Variants in PIBF1 observed in about 807,000 individuals in gnomAD.
PIBF1 encodes the protein progesterone-induced-blocking factor 1.
Under a neutral mutation model 112.5 loss-of-function variants are expected in PIBF1, and 90 were observed. The ratio of observed to expected loss-of-function variants is 0.80; its 90% confidence interval spans 0.67 to 0.95. PIBF1 has a LOEUF of 0.95. Among genes scored for constraint, PIBF1 ranks in the 40% least tolerant of loss-of-function variants. PIBF1 has a pLI of 0.00. For missense variants in PIBF1, 915 were observed against 852.3 expected (o/e 1.07, Z -0.92); for synonymous variants, 301 against 288.6 (o/e 1.04, Z -0.44).
intron 10 of PIBF1, among the ~76,000 whole-genome samples, chr13:72,883,935 C>T (rs1317776829): frequency 2.0e-5 from 3 of 152,012 alleles, no homozygotes; most frequent in Admixed American, 6.6e-5. Flanking sequence ...CAGATATATA[C>T]GTACACACAT....
rs1555316933 is a variant in PIBF1, at chr13:72,927,994, C to CATATATATATACATATATATAT, written c.1731-3170_1731-3169insTATATATATACATATATATATA. Among the ~76,000 whole-genome samples, 22 of 79,942 alleles carry CATATATATATACATATATATAT rather than the reference C, an allele frequency of 2.8e-4. 1 individual carries two copies. The highest frequency in any genetic ancestry group is 1.3e-3 in the African/African-American group (20 of 15,848). The allele number at this position is 79,942 out of a possible 152,430, so 52.4% of individuals were successfully genotyped here. ...ATATATATACATATATATATACACA[C>CATATATATATACATATATATAT]ACATATATATACATATATATACATA... is the stretch of plus-strand genomic sequence containing the variant. On this transcript the variant is annotated intron_variant, in intron 13 of 17. Coordinates refer to ENST00000326291, the MANE Select transcript of PIBF1 (RefSeq NM_006346.4).
intron 2 of PIBF1, among the ~76,000 whole-genome samples, chr13:72,785,199 C>T (rs1055186285): frequency 5.3e-5 from 8 of 152,152 alleles, no homozygotes; most frequent in Non-Finnish European, 2.9e-5. Flanking sequence ...GCACACAAGA[C>T]GTATTAGCCG....
chr13:72,975,054 CTTT>C (rs568515289), intron 16 of PIBF1, among the ~76,000 whole-genome samples: 15 of 136,032 alleles, frequency 1.1e-4, no homozygotes, highest in Non-Finnish European at 1.6e-4. Flanking sequence ...GAAAAAGAAA[CTTT>C]TTTTTTTTTT....
intron 4 of PIBF1, among the ~76,000 whole-genome samples, chr13:72,796,308 G>T (rs936142766): frequency 4.6e-5 from 7 of 152,090 alleles, no homozygotes; most frequent in Non-Finnish European, 1.0e-4. Flanking sequence ...TCCCTGAAAG[G>T]ATCTCAGAGT....
At chr13:72,921,551 A>G (rs1012913543) in intron 13 of PIBF1, among the ~76,000 whole-genome samples, 1 of 152,198 alleles carries the variant, frequency 6.6e-6, no homozygotes, top group Non-Finnish European at 1.5e-5. Context: ...ATTTATTGTC[A>G]TAGAATTCCA....
At chr13:72,910,053 G>C (rs543582254) in intron 12 of PIBF1, among the ~76,000 whole-genome samples, 1 of 152,208 alleles carries the variant, frequency 6.6e-6, no homozygotes, top group East Asian at 1.9e-4. Flanking sequence ...AGTTGAATTT[G>C]AATCTAGGTA....
At chr13:72,944,376 G>C (rs1255079538) in intron 14 of PIBF1, among the ~76,000 whole-genome samples, 1 of 151,762 alleles carries the variant, frequency 6.6e-6, no homozygotes, top group Non-Finnish European at 1.5e-5. Context: ...GAACCCAGGA[G>C]GCAGAGGTTG....
Position 72,973,639 on chromosome 13 carries a change from G to T in PIBF1, c.2013G>T (p.Met671Ile). ...KSALLQTKNQMALDLEQLLNH... is the reference protein window; with the variant it reads ...KSALLQTKNQIALDLEQLLNH... ...CTTTACTACAGACGAAGAATCAAAT[G>T]GCATTAGATTTAGAACAACTTCTAA... The change falls in exon 16 of 18, where the codon ATG becomes ATT. Residue 671 changes from methionine to isoleucine, a missense_variant. Coordinates refer to ENST00000326291, the MANE Select transcript of PIBF1 (RefSeq NM_006346.4). The T allele has an allele frequency of 6.3e-7, 1 of 1,576,380 alleles. No individual in the cohort carries two copies. Among genetic ancestry groups the T allele is most frequent in the Non-Finnish European group, 8.6e-7 (1 of 1,160,558 alleles).
intron 16 of PIBF1, among the ~76,000 whole-genome samples, chr13:72,987,520 G>C (rs2043329003): frequency 6.6e-6 from 1 of 151,992 alleles, no homozygotes; most frequent in African/African-American, 2.4e-5. Flanking sequence ...GACATTGATG[G>C]AAGGCATCTG....
intron 10 of PIBF1, among the ~76,000 whole-genome samples, chr13:72,859,361 A>T (rs2038591034): frequency 2.6e-5 from 4 of 152,166 alleles, no homozygotes. Flanking sequence ...TGGGGAAAAT[A>T]TGGGAGCAAT....
chr13:72,856,251 GTGT>G (rs2038416341), intron 10 of PIBF1, among the ~76,000 whole-genome samples: 1 of 152,154 alleles, frequency 6.6e-6, no homozygotes, highest in Non-Finnish European at 1.5e-5. Flanking sequence ...GTCCAATTTA[GTGT>G]TGTTGTGAAA....
At position 72,967,914 on chromosome 13, in the gene PIBF1, G is replaced by A. The variant is rs2042785237; in HGVS notation, c.1964+2510G>A. On this transcript the variant is annotated intron_variant, in intron 15 of 17. Transcript: ENST00000326291. ...AAATATTCCATATCTGGCTGGGCACGGTAGCTCAAGTCTGTAATCCCAGCA... is the reference window on the plus strand; with the variant it reads ...AAATATTCCATATCTGGCTGGGCACAGTAGCTCAAGTCTGTAATCCCAGCA... Among the ~76,000 whole-genome samples the A allele has an allele frequency of 5.3e-5, 8 of 152,230 alleles. No individual in the cohort carries two copies. In the South Asian group the frequency reaches 1.5e-3, roughly 28 times the overall value.
intron 10 of PIBF1, among the ~76,000 whole-genome samples, chr13:72,878,059 C>A (rs1430235863): frequency 6.6e-6 from 1 of 151,794 alleles, no homozygotes; most frequent in African/African-American, 2.4e-5. Flanking sequence ...TTCATTTCTG[C>A]TATTAGTAAT....
chr13:72,827,878 C>CTAGA lies in PIBF1; in HGVS notation c.1062_1065dup (p.Glu356Ter), dbSNP rs2036896205. On this transcript the variant is annotated frameshift_variant, in exon 8 of 18. Transcript: ENST00000326291. LOFTEE classifies it high-confidence loss of function. The stretch of plus-strand genomic sequence containing the variant: ...GCTCAACTGGAAGAAAGCAAAAAGG[C>CTAGA]TAGAGAAGAGATGTATGAAAAATAT... The CTAGA allele has an allele frequency of 6.3e-7, 1 of 1,591,848 alleles. No individual in the cohort carries two copies. The highest frequency in any genetic ancestry group is 1.8e-5 in the Admixed American group (1 of 56,992).
At chr13:72,927,994 C>CATATATAT (rs1555316933) in intron 13 of PIBF1, among the ~76,000 whole-genome samples, 1,750 of 78,626 alleles carry the variant, frequency 0.022, 80 homozygotes, top group African/African-American at 0.11. Context: ...TATATACACA[C>CATATATAT]ACATATATAT....
chr13:72,916,414 A>ATATATTT (rs367708260), intron 12 of PIBF1, among the ~76,000 whole-genome samples: 20 of 149,034 alleles, frequency 1.3e-4, no homozygotes, highest in African/African-American at 4.7e-4. Flanking sequence ...ATATATATAT[A>ATATATTT]TTTTTTTAAT....
intron 16 of PIBF1, among the ~76,000 whole-genome samples, chr13:72,987,860 T>A (rs1361862862): frequency 1.5e-5 from 1 of 65,796 alleles, no homozygotes; most frequent in South Asian, 3.7e-4. Flanking sequence ...ATTTATTTAT[T>A]TTTTTTTTTT....
At chr13:72,804,865 A>G (rs1202004241) in intron 5 of PIBF1, among the ~76,000 whole-genome samples, 1 of 152,216 alleles carries the variant, frequency 6.6e-6, no homozygotes, top group Admixed American at 6.5e-5. Context: ...TTTGACAAAT[A>G]AAAGGAAGTG....
chr13:73,009,168 GTC>G (rs1359108266), intron 17 of PIBF1, among the ~76,000 whole-genome samples: 1 of 152,178 alleles, frequency 6.6e-6, no homozygotes, highest in Non-Finnish European at 1.5e-5. Context: ...GAGGAAAATA[GTC>G]TCCCTTTCCA....
Sources: allele counts gnomAD v4.1 joint callset (sites outside exome capture counted in the v4.1 genomes callset), GRCh38; gene constraint gnomAD v4.1.1; transcripts MANE v1.5; gene names NCBI Gene and HGNC (gene_info 2026-07-23, HGNC 2026-07-21).